Variants in KIF21B observed in about 807,000 individuals in gnomAD.
KIF21B encodes the protein kinesin family member 21B.
Under a neutral mutation model 192.9 loss-of-function variants are expected in KIF21B, and 85 were observed. The ratio of observed to expected loss-of-function variants is 0.44; its 90% CI spans 0.37 to 0.53. KIF21B has a LOEUF of 0.53. Among genes scored for constraint, KIF21B ranks in the 20% least tolerant of loss-of-function variants. KIF21B has a pLI of 0.00. For missense variants in KIF21B, 1,716 were observed against 2,194.8 expected (o/e 0.78, Z 4.36); for synonymous variants, 832 against 884.6 (o/e 0.94, Z 1.05).
chr1:200,979,846 G>A lies in KIF21B; in HGVS notation c.3980-131C>T, dbSNP rs1655805252. 4 of 650,272 alleles carry A rather than the reference G, an allele frequency of 6.2e-6. No individual in the cohort carries two copies. The Admixed American group carries it at 9.5e-5, about 15-fold the overall frequency. The allele number at this position is 650,272 out of a possible 1,614,324, so 40.3% of individuals were successfully genotyped here. The stretch of plus-strand genomic sequence containing the variant: ...AGGGCTCCAGAGGACGGAGCTCCAG[G>A]TCTGAAGAGGAAAAAAACACATACA... On this transcript the variant is annotated intron_variant, in intron 29 of 34. Coordinates refer to ENST00000461742, the MANE Select transcript of KIF21B (RefSeq NM_001252102.2).
rs2297913 is a variant in KIF21B at position 200,973,306 on chromosome 1, C to T, written c.*215G>A. On this transcript the variant is annotated 3_prime_UTR_variant, in exon 35 of 35. Coordinates refer to ENST00000461742, the MANE Select transcript of KIF21B (RefSeq NM_001252102.2). ...TGGCTTCACAGCTTAATTTCCTCCC[C>T]AGCCTCTCTCTCACCCAGAGGCTCC... is the stretch of plus-strand genomic sequence containing the variant. 0.025 allele frequency: 12,806 copies of T among 508,178 alleles called. 710 individuals are homozygous for T. The highest frequency in any genetic ancestry group is 0.2 in the East Asian group (5,638 of 28,436). 31.5% of individuals were successfully genotyped at this position (508,178 alleles called of 1,614,324 possible).
chr1:200,990,101 C>T lies in KIF21B; in HGVS notation c.3030+37G>A. On this transcript the variant is annotated intron_variant, in intron 20 of 34. Transcript: ENST00000461742. The surrounding 1 kb of genome is among the most constrained non-coding windows in gnomAD (Gnocchi z 5.4). ...GGGGCTACCCCTGCCACCCATCTCT[C>T]CCGCCTCCGCCCCAGCAGGCCCAGC... The T allele has an allele frequency of 2.5e-6, 4 of 1,610,314 alleles. No homozygotes were observed. In the South Asian group the frequency reaches 3.3e-5, roughly 13 times the overall value.
At chr1:200,979,950 C>T (rs1490995169) in intron 29 of KIF21B, among the ~76,000 whole-genome samples, 1 of 152,174 alleles carries the variant, frequency 6.6e-6, no homozygotes, top group African/African-American at 2.4e-5. Context: ...ACCAGGGTTC[C>T]TCAAGCAAAC....
At chr1:200,992,779 G>C (rs1429025575) in intron 15 of KIF21B, among the ~76,000 whole-genome samples, 1 of 152,236 alleles carries the variant, frequency 6.6e-6, no homozygotes, top group Non-Finnish European at 1.5e-5. Context: ...GCTGAAGGCT[G>C]AGCTGCAGAC....
rs267598289 is a variant in KIF21B at position 200,998,531 on chromosome 1, C to T, written c.1930G>A (p.Glu644Lys). 1.9e-6 allele frequency: 3 copies of T among 1,613,882 alleles called. No individual in the cohort carries two copies. The highest frequency in any genetic ancestry group is 1.7e-6 in the Non-Finnish European group (2 of 1,180,002). The change falls in exon 14 of 35, where the codon GAA (glutamate) becomes AAA (lysine). Residue 644 changes from glutamate (E) to lysine (K), a missense_variant. Physicochemically the swap from Glu to Lys is moderately conservative, Grantham distance 56. Around this residue, in one of 3 missense-constraint regions of KIF21B, gnomAD observed 1,087 missense variants for 1,316.6 expected, o/e 0.83. Transcript: ENST00000461742. The surrounding 1 kb of genome is among the most constrained non-coding windows in gnomAD (Gnocchi z 4.3). The part of the protein sequence containing the change: ...ADLADLTCEI[E>K]IKQKLIDELE... ...TCGTCGATCAGCTTCTGCTTGATTT[C>T]GATCTCACAAGTCAGGTCGGCCAGG...
At position 201,009,266 on chromosome 1, in the gene KIF21B, C is replaced by G; in HGVS notation, c.264G>C (p.Gln88His). 1 of 1,613,790 alleles carries G rather than the reference C, an allele frequency of 6.2e-7. No homozygotes were observed. The highest frequency in any genetic ancestry group is 8.5e-7 in the Non-Finnish European group (1 of 1,179,762). The change falls in exon 2 of 35, where the codon CAG (glutamine) becomes CAC (histidine). Residue 88 changes from glutamine (Q) to histidine (H), a missense_variant and splice_region_variant. Gln to His is a conservative substitution (Grantham distance 24, BLOSUM62 0). Around this residue, in one of 3 missense-constraint regions of KIF21B, gnomAD observed 1,087 missense variants for 1,316.6 expected, o/e 0.83. Transcript: ENST00000461742. ...ATAGGTGGGCGTGAAGATGGCTTAC[C>G]TGCCCATAGGCCAGCACCGTGGCAT... ...GYNATVLAYG[Q>H]TGAGKTYTMG...
In KIF21B at chr1:200,999,485, TGGGGTGGGCCTGGCCTCAGAGAGG is replaced by T; in HGVS notation, c.1768-43_1768-20del. 1 of 1,611,636 alleles carries T rather than the reference TGGGGTGGGCCTGGCCTCAGAGAGG, an allele frequency of 6.2e-7. No homozygotes were observed. The highest frequency in any genetic ancestry group is 8.5e-7 in the Non-Finnish European group (1 of 1,178,666). ...CCTCCTCCTGGGCACCAGGCACCAT[TGGGGTGGGCCTGGCCTCAGAGAGG>T]GGAGCCCAGAAGCAGAGGTGCATCC... On this transcript the variant is annotated intron_variant, in intron 12 of 34. Transcript: ENST00000461742. This position sits in a 1 kb window ranked among gnomAD's most constrained non-coding sequence, Gnocchi z 4.7.
At chr1:200,993,203 C>A (rs761156044) in intron 15 of KIF21B, among the ~76,000 whole-genome samples, 21 of 152,244 alleles carry the variant, frequency 1.4e-4, no homozygotes, top group Non-Finnish European at 2.2e-4. Flanking sequence ...TCGGGCCCTG[C>A]GGCATCTGCC....
intron 32 of KIF21B, 119 bp downstream of exon 32, chr1:200,976,657 T>G (rs952001041): frequency 3.4e-6 from 2 of 579,920 alleles, no homozygotes; most frequent in Non-Finnish European, 6.1e-6. Flanking sequence ...TGGGGTGATT[T>G]CTTCAGCAGA....
At chr1:200,995,309 ACCAGT>A (rs2102422766) in intron 15 of KIF21B, among the ~76,000 whole-genome samples, 1 of 152,232 alleles carries the variant, frequency 6.6e-6, no homozygotes, top group African/African-American at 2.4e-5. Flanking sequence ...TGGGGCTGCC[ACCAGT>A]GCCCAGGGCC....
At chr1:201,019,557 C>T (rs767355701) in intron 1 of KIF21B, among the ~76,000 whole-genome samples, 6 of 152,178 alleles carry the variant, frequency 3.9e-5, no homozygotes, top group African/African-American at 1.4e-4. Flanking sequence ...GCCTGGGCCC[C>T]GCCTCACCTC....
chr1:200,986,606 T>C (rs1656320312), intron 26 of KIF21B, among the ~76,000 whole-genome samples: 2 of 151,904 alleles, frequency 1.3e-5, no homozygotes, highest in African/African-American at 2.4e-5. Context: ...GATCTGGCCA[T>C]CTCAGCCTCC....
intron 8 of KIF21B, 99 bp from the exon 9 acceptor site, chr1:201,002,449 T>C: frequency 2.8e-6 from 3 of 1,066,784 alleles, no homozygotes; most frequent in East Asian, 2.4e-5. Flanking sequence ...GCCCTGGCCT[T>C]CCCCTGGATA....
chr1:201,016,081 C>T (rs985091673), intron 1 of KIF21B, among the ~76,000 whole-genome samples: 3 of 152,148 alleles, frequency 2.0e-5, no homozygotes, highest in Non-Finnish European at 4.4e-5. Context: ...GGATATGTGC[C>T]CCATGTTACT....
In KIF21B at chr1:200,988,595, G is replaced by A. The variant is rs376357755; in HGVS notation, c.3299-51C>T. 1.7e-4 allele frequency: 257 copies of A among 1,501,926 alleles called. 2 individuals carry two copies. Among genetic ancestry groups the A allele is most frequent in the Middle Eastern group, 1.4e-3 (8 of 5,692 alleles). 93.0% of individuals were successfully genotyped at this position (1,501,926 alleles called of 1,614,324 possible). A position where few individuals can be genotyped will look rare whatever the true frequency, so the allele number is the denominator to read the frequency against. On this transcript the variant is annotated intron_variant, in intron 22 of 34. Transcript: ENST00000461742. Reference sequence around the variant, plus strand: ...AGGGGTTGAGAAGCCCTGTCCAAGTGTCGGGGGAGGGATGATGGTCTCCCT... The same window carrying A: ...AGGGGTTGAGAAGCCCTGTCCAAGTATCGGGGGAGGGATGATGGTCTCCCT...
At chr1:200,986,755 G>T in intron 26 of KIF21B, 89 bp downstream of exon 26, 1 of 1,169,146 alleles carries the variant, frequency 8.6e-7, no homozygotes, top group Non-Finnish European at 1.2e-6. Context: ...TGTACAAGAT[G>T]ATCAACAGAG....
In KIF21B at chr1:200,992,378, C is replaced by T. The variant is rs1656761564; in HGVS notation, c.2289G>A (p.Met763Ile). ...GCTGTTGCTCCTCACGCATCTGCTTCATCAGGGCCACCTGGGATGGGCAGA... is the reference window on the plus strand; with the variant it reads ...GCTGTTGCTCCTCACGCATCTGCTTTATCAGGGCCACCTGGGATGGGCAGA... Reference protein sequence around the residue: ...AEMKKAKVALMKQMREEQQRR... With the variant: ...AEMKKAKVALIKQMREEQQRR... The change falls in exon 16 of 35, where the codon ATG becomes ATA. Residue 763 changes from methionine (M) to isoleucine (I), a missense_variant. Met to Ile is a conservative substitution (Grantham distance 10, BLOSUM62 1). Around this residue, in one of 3 missense-constraint regions of KIF21B, gnomAD observed 1,087 missense variants for 1,316.6 expected, o/e 0.83. Transcript: ENST00000461742. The T allele has an allele frequency of 1.2e-6, 2 of 1,612,920 alleles. No homozygotes were observed. The highest frequency in any genetic ancestry group is 4.5e-5 in the East Asian group (2 of 44,890).
In KIF21B at chr1:200,975,411, G is replaced by T; in HGVS notation, c.4614+88C>A. 1 of 1,263,266 alleles carries T rather than the reference G, an allele frequency of 7.9e-7. No individual in the cohort carries two copies. Among genetic ancestry groups the T allele is most frequent in the South Asian group, 1.4e-5 (1 of 71,424 alleles). The allele number at this position is 1,263,266 out of a possible 1,614,324, so 78.3% of individuals were successfully genotyped here. On this transcript the variant is annotated intron_variant, in intron 33 of 34. Coordinates refer to ENST00000461742, the MANE Select transcript of KIF21B (RefSeq NM_001252102.2). This position sits in a 1 kb window ranked among gnomAD's most constrained non-coding sequence, Gnocchi z 4.3. ...AAACCATCTGGCCTGGGGCCCGCGA[G>T]TCCAGGTCCCAGGGTCTCCAAGGCC...
At position 201,000,496 on chromosome 1, in the gene KIF21B, C is replaced by T. The variant is rs1440043506; in HGVS notation, c.1579G>A (p.Gly527Arg). The T allele has an allele frequency of 1.2e-6, 2 of 1,608,950 alleles. No individual in the cohort carries two copies. The highest frequency in any genetic ancestry group is 1.7e-6 in the Non-Finnish European group (2 of 1,177,042). The change falls in exon 11 of 35, where the codon GGG becomes AGG. Residue 527 changes from glycine to arginine, a missense_variant. Around this residue, in one of 3 missense-constraint regions of KIF21B, gnomAD observed 1,087 missense variants for 1,316.6 expected, o/e 0.83. Transcript: ENST00000461742. This position sits in a 1 kb window ranked among gnomAD's most constrained non-coding sequence, Gnocchi z 6.0. The stretch of plus-strand genomic sequence containing the variant: ...TCCATGGAGCTGGCAGGGCTGCCCC[C>T]GAAGGCCGGGGCGGCTGGAGAAGCA... ...LGASPAAPAFGGSPASSMEDA... is the reference protein window; with the variant it reads ...LGASPAAPAFRGSPASSMEDA...
Sources: gnomAD v4.1 joint callset for allele counts (sites outside exome capture counted in the v4.1 genomes callset) on GRCh38, gnomAD v4.1.1 for gene constraint, gnomAD v4.1.1 regional missense constraint, Gnocchi (gnomAD v3.1) non-coding constraint, MANE v1.5 for transcripts, NCBI Gene and HGNC (gene_info 2026-07-23, HGNC 2026-07-21) for gene names.